DACH2: variants seen among roughly 807,000 people sequenced by gnomAD.
The protein encoded by DACH2 is dachshund homolog 2.
A neutral mutation model predicts 35.8 loss-of-function variants in DACH2; 17 were observed. That is an observed-to-expected ratio of 0.48 (90% CI 0.33 to 0.71). The LOEUF (loss-of-function observed/expected upper bound fraction) is 0.71, where lower values mean the gene tolerates loss of function less well. Ranked by LOEUF, DACH2 falls within the 30% of genes least tolerant of loss-of-function variation. The probability of loss-of-function intolerance (pLI) is 0.02; values close to 1 mark genes in which losing one functional copy is unlikely to be tolerated. For missense variants in DACH2, 469 were observed against 472.7 expected, an observed-to-expected ratio of 0.99 and a Z score of 0.07; for synonymous variants, 195 against 177.3, an observed-to-expected ratio of 1.10 and a Z score of -0.79.
chrX:86,592,837 G>C (rs147900185), intron 3 of DACH2, among the ~76,000 whole-genome samples: 316 of 112,048 alleles, frequency 2.8e-3, no homozygotes, highest in Middle Eastern at 0.024. Context: ...TGCTGGTATA[G>C]AGGAAAGCAG....
At chrX:86,769,716 A>G (rs762970701) in intron 7 of DACH2, among the ~76,000 whole-genome samples, 9 of 111,779 alleles carry the variant, frequency 8.1e-5, no homozygotes, top group Non-Finnish European at 1.5e-4. Context: ...ACCTTTTTAT[A>G]TTCTTCGCAA....
chrX:86,255,764 T>A (rs2147956747), intron 1 of DACH2, among the ~76,000 whole-genome samples: 1 of 112,323 alleles, frequency 8.9e-6, no homozygotes, highest in South Asian at 3.6e-4. Flanking sequence ...ATGATTATTT[T>A]AAAAATATTT....
intron 7 of DACH2, among the ~76,000 whole-genome samples, chrX:86,745,706 C>A (rs1246975785): frequency 9.0e-6 from 1 of 111,035 alleles, no homozygotes; most frequent in African/African-American, 3.3e-5. Context: ...AATGAACATA[C>A]ACATGCATGA....
chrX:86,756,943 A>G (rs1388862054), intron 7 of DACH2, among the ~76,000 whole-genome samples: 1 of 111,382 alleles, frequency 9.0e-6, no homozygotes, highest in Non-Finnish European at 1.9e-5. Flanking sequence ...TATTATTAAA[A>G]GACAGTGAAT....
At chrX:86,791,940 T>C (rs1379312108) in intron 7 of DACH2, among the ~76,000 whole-genome samples, 1 of 112,076 alleles carries the variant, frequency 8.9e-6, no homozygotes, top group Non-Finnish European at 1.9e-5. Context: ...TGATAAAGCA[T>C]ATAAATAACA....
chrX:86,549,580 T>C (rs1328801826), intron 3 of DACH2, among the ~76,000 whole-genome samples: 2 of 110,836 alleles, frequency 1.8e-5, no homozygotes, highest in African/African-American at 6.5e-5. Flanking sequence ...TTTTTTTAAA[T>C]TAAATTTTTA....
intron 7 of DACH2, among the ~76,000 whole-genome samples, chrX:86,751,735 A>C (rs2041775498): frequency 9.0e-6 from 1 of 111,624 alleles, no homozygotes; most frequent in African/African-American, 3.2e-5. Flanking sequence ...TAGGAAAAAA[A>C]AAGAAAGTAT....
intron 4 of DACH2, among the ~76,000 whole-genome samples, chrX:86,690,118 C>G (rs1346273878): frequency 8.9e-6 from 1 of 111,940 alleles, no homozygotes; most frequent in Admixed American, 9.5e-5. Flanking sequence ...ATTTTATTAG[C>G]TTCCTTCACT....
chrX:86,365,611 A>C (rs1378839578), intron 1 of DACH2, among the ~76,000 whole-genome samples: 1 of 111,884 alleles, frequency 8.9e-6, no homozygotes, highest in Non-Finnish European at 1.9e-5. Context: ...ATTTCCATTA[A>C]AAAGCATGTT....
chrX:86,768,365 G>A (rs2041955791), intron 7 of DACH2, among the ~76,000 whole-genome samples: 2 of 111,645 alleles, frequency 1.8e-5, no homozygotes, highest in South Asian at 7.4e-4. Context: ...TTTTCCCTTT[G>A]TGTGGATAAT....
chrX:86,431,705 T>G (rs1336119909), intron 2 of DACH2, among the ~76,000 whole-genome samples: 1 of 111,687 alleles, frequency 9.0e-6, no homozygotes, highest in African/African-American at 3.2e-5. Context: ...CAGTGGCCAT[T>G]TGTACAGTCT....
At chrX:86,189,297 C>A (rs961958032) in intron 1 of DACH2, among the ~76,000 whole-genome samples, 1 of 111,711 alleles carries the variant, frequency 9.0e-6, no homozygotes, top group South Asian at 3.8e-4. Flanking sequence ...AGTAGGCCAT[C>A]CACATTACTG....
In DACH2 at chrX:86,617,162, T is replaced by C. The variant is rs181560025; in HGVS notation, c.641-33874T>C. 6.8e-3 allele frequency among the ~76,000 whole-genome samples: 765 copies of C among 112,111 alleles called. 7 individuals are homozygous for C. The highest frequency in any genetic ancestry group is 0.023 in the African/African-American group (725 of 30,864). On this transcript the variant is annotated intron_variant, in intron 3 of 11. Transcript: ENST00000373125. ...CAGTACCATGCTGTTTTGGTTATTG[T>C]AGCCCTGTAGTATAGTCTGAAGTTG...
At chrX:86,768,111 C>T (rs920664447) in intron 7 of DACH2, among the ~76,000 whole-genome samples, 3 of 111,114 alleles carry the variant, frequency 2.7e-5, no homozygotes, top group Non-Finnish European at 5.7e-5. Flanking sequence ...TCTCACAGGT[C>T]TTAGAGTACT....
chrX:86,426,715 C>T (rs1292356996), intron 2 of DACH2, among the ~76,000 whole-genome samples: 3 of 111,234 alleles, frequency 2.7e-5, no homozygotes, highest in Non-Finnish European at 5.7e-5. Flanking sequence ...GAATTGTACT[C>T]TAAGTCCTAC....
intron 7 of DACH2, among the ~76,000 whole-genome samples, chrX:86,778,778 T>C (rs2042061557): frequency 9.0e-6 from 1 of 110,499 alleles, no homozygotes; most frequent in Non-Finnish European, 1.9e-5. Context: ...ACCCAACTAA[T>C]TTTTGTTTTT....
intron 2 of DACH2, among the ~76,000 whole-genome samples, chrX:86,436,670 A>G (rs984565814): frequency 4.5e-5 from 5 of 110,879 alleles, no homozygotes; most frequent in South Asian, 3.8e-4. Flanking sequence ...CTTAGGAAAT[A>G]TTTTCTTTGA....
chrX:86,406,940 A>G (rs1569384368), intron 2 of DACH2, among the ~76,000 whole-genome samples: 1 of 112,144 alleles, frequency 8.9e-6, no homozygotes, highest in East Asian at 2.8e-4. Context: ...TGAAAATGGG[A>G]GGGAAAATGC....
At chrX:86,553,484 T>C (rs1041103011) in intron 3 of DACH2, among the ~76,000 whole-genome samples, 25 of 111,449 alleles carry the variant, frequency 2.2e-4, no homozygotes, top group African/African-American at 8.2e-4. Context: ...GAACAATACT[T>C]TGCATCCTTC....
Sources: gnomAD v4.1 joint callset for allele counts (sites outside exome capture counted in the v4.1 genomes callset) on GRCh38, gnomAD v4.1.1 for gene constraint, MANE v1.5 for transcripts, NCBI Gene and HGNC (gene_info 2026-07-23, HGNC 2026-07-21) for gene names.